Variants in SMAD2 observed in about 807,000 individuals in gnomAD.
SMAD2 encodes MAD homolog 2.
A neutral mutation model predicts 64.4 loss-of-function variants in SMAD2; 8 were observed. The ratio of observed to expected loss-of-function variants is 0.12; its 90% CI spans 0.07 to 0.22. The LOEUF is 0.22. Ranked by LOEUF, SMAD2 falls within the 10% of genes least tolerant of loss-of-function variation. SMAD2 has a pLI of 1.00. For missense variants in SMAD2, 289 were observed against 561.2 expected, an observed-to-expected ratio of 0.51 and a Z score of 4.90; for synonymous variants, 203 against 195.8, an observed-to-expected ratio of 1.04 and a Z score of -0.31.
chr18:47,841,166 A>AAAC lies in SMAD2; in HGVS notation c.*660_*661insGTT, dbSNP rs1319782197. The AAAC allele has an allele frequency of 1.3e-5, 3 of 231,442 alleles. No homozygotes were observed. The highest frequency in any genetic ancestry group is 6.7e-5 in the African/African-American group (3 of 44,920). 14.3% of individuals were successfully genotyped at this position (231,442 alleles called of 1,614,324 possible). On this transcript the variant is annotated 3_prime_UTR_variant, in exon 11 of 11. Transcript: ENST00000262160. The stretch of plus-strand genomic sequence containing the variant: ...CAGTTAAAAAAAAAAACAAAAAAAA[A>AAAC]CAAAAAACCACAAAAAGAATGACTG...
chr18:47,854,239 T>C (rs2030443779), intron 6 of SMAD2, among the ~76,000 whole-genome samples: 2 of 152,198 alleles, frequency 1.3e-5, no homozygotes, highest in African/African-American at 4.8e-5. Flanking sequence ...TAGCAGTGTC[T>C]ACTTACAGCT....
In SMAD2 at chr18:47,826,488, T is replaced by C. The variant is rs551985770; in HGVS notation, c.*15339A>G. On this transcript the variant is annotated 3_prime_UTR_variant, in exon 11 of 11. Coordinates refer to ENST00000262160, the MANE Select transcript of SMAD2 (RefSeq NM_005901.6). ...GGAGTTATGGGATTGGGCTTGGCTG[T>C]TGTTGCCTTCTACAACCTCCACAAA... 6.6e-6 allele frequency: 1 copy of C among 152,242 alleles called. No homozygotes were observed. Among genetic ancestry groups the C allele is most frequent in the Non-Finnish European group, 1.5e-5 (1 of 68,052 alleles). 9.4% of individuals were successfully genotyped at this position (152,242 alleles called of 1,614,324 possible). A position where few individuals can be genotyped will look rare whatever the true frequency, so the allele number is the denominator to read the frequency against.
chr18:47,885,132 TACAC>T (rs57342899), intron 2 of SMAD2, among the ~76,000 whole-genome samples: 15,974 of 141,868 alleles, frequency 0.11, 1,063 homozygotes, highest in African/African-American at 0.12. Context: ...TTTAGTCATA[TACAC>T]ACACACACAC....
rs1051385541 is a variant in SMAD2 at position 47,831,239 on chromosome 18, C to T, written c.*10588G>A. The stretch of plus-strand genomic sequence containing the variant: ...TCTGCTCACCATATAAGCAGTAGCT[C>T]AATAACACCGTCCAGTTTTCATGTA... On this transcript the variant is annotated 3_prime_UTR_variant, in exon 11 of 11. Coordinates refer to ENST00000262160, the MANE Select transcript of SMAD2 (RefSeq NM_005901.6). 6.6e-6 allele frequency: 1 copy of T among 152,218 alleles called. No individual in the cohort carries two copies. Among genetic ancestry groups the T allele is most frequent in the African/African-American group, 2.4e-5 (1 of 41,452 alleles). The allele number at this position is 152,218 out of a possible 1,614,324, so 9.4% of individuals were successfully genotyped here.
intron 1 of SMAD2, among the ~76,000 whole-genome samples, chr18:47,917,156 G>C (rs2034371555): frequency 6.6e-6 from 1 of 152,166 alleles, no homozygotes; most frequent in South Asian, 2.1e-4. Flanking sequence ...TTCTGTAATT[G>C]TTGGGTGCTT....
intron 1 of SMAD2, among the ~76,000 whole-genome samples, chr18:47,911,349 T>C (rs947250386): frequency 7.1e-6 from 1 of 141,118 alleles, no homozygotes; most frequent in African/African-American, 2.7e-5. Context: ...AGACTCCATC[T>C]GGAAAAAAAA....
At position 47,845,494 on chromosome 18, in the gene SMAD2, A is replaced by AAAAAGGT; in HGVS notation, c.1136-17_1136-11dup. The AAAAAGGT allele has an allele frequency of 6.2e-7, 1 of 1,612,252 alleles. No homozygotes were observed. The highest frequency in any genetic ancestry group is 1.3e-5 in the African/African-American group (1 of 75,028). The stretch of plus-strand genomic sequence containing the variant: ...ATCTTCAGATTACAGCCTATGATTA[A>AAAAAGGT]AAAAGGTAAAAGAAATTGTCAAAAG... On this transcript the variant is annotated splice_polypyrimidine_tract_variant and intron_variant, in intron 9 of 10. Transcript: ENST00000262160.
chr18:47,855,011 T>A (rs2030538552), intron 6 of SMAD2, among the ~76,000 whole-genome samples: 2 of 152,216 alleles, frequency 1.3e-5, no homozygotes, highest in African/African-American at 2.4e-5. Flanking sequence ...TAGTCCTCTT[T>A]ACCTCCCACA....
At position 47,833,823 on chromosome 18, in the gene SMAD2, G is replaced by A. The variant is rs76248022; in HGVS notation, c.*8004C>T. 8.7e-6 allele frequency: 2 copies of A among 230,626 alleles called. No individual in the cohort carries two copies. The highest frequency in any genetic ancestry group is 1.7e-5 in the Non-Finnish European group (2 of 116,432). 14.3% of individuals were successfully genotyped at this position (230,626 alleles called of 1,614,324 possible). A position where few individuals can be genotyped will look rare whatever the true frequency, so the allele number is the denominator to read the frequency against. On this transcript the variant is annotated 3_prime_UTR_variant, in exon 11 of 11. Coordinates refer to ENST00000262160, the MANE Select transcript of SMAD2 (RefSeq NM_005901.6). ...TAGACGCCAGAGCATCAAAGGCCAT[G>A]TATTTCCTCACAAGAAAAGAAATCT... is the stretch of plus-strand genomic sequence containing the variant.
Position 47,830,884 on chromosome 18 carries a change from T to G in SMAD2, c.*10943A>C, listed in dbSNP as rs16958473. 7,884 of 155,102 alleles carry G rather than the reference T, an allele frequency of 0.051. 679 individuals carry two copies. Among genetic ancestry groups the G allele is most frequent in the African/African-American group, 0.18 (7,482 of 41,596 alleles). The allele number at this position is 155,102 out of a possible 1,614,324, so 9.6% of individuals were successfully genotyped here. A position where few individuals can be genotyped will look rare whatever the true frequency, so the allele number is the denominator to read the frequency against. On this transcript the variant is annotated 3_prime_UTR_variant, in exon 11 of 11. Transcript: ENST00000262160. ...AAAAATCCACATATATACAAAACTC[T>G]GCTAAAATTCCAATGGCTTCTCTAG...
chr18:47,884,482 C>G (rs1385016091), intron 2 of SMAD2, among the ~76,000 whole-genome samples: 1 of 152,072 alleles, frequency 6.6e-6, no homozygotes, highest in Non-Finnish European at 1.5e-5. Context: ...TAAAAAGAAA[C>G]AAGTAATATA....
intron 1 of SMAD2, among the ~76,000 whole-genome samples, chr18:47,909,904 G>A (rs1406998443): frequency 6.6e-6 from 1 of 151,942 alleles, no homozygotes; most frequent in Non-Finnish European, 1.5e-5. Flanking sequence ...TCTAAATCAG[G>A]GAGTCATAAG....
chr18:47,856,972 C>A (rs2030751459), intron 6 of SMAD2, among the ~76,000 whole-genome samples: 1 of 150,414 alleles, frequency 6.6e-6, no homozygotes, highest in Admixed American at 6.6e-5. Flanking sequence ...ATTCTCCTGC[C>A]TCAGCCTCCC....
intron 3 of SMAD2, 69 bp downstream of exon 3, chr18:47,870,406 T>C: frequency 9.0e-7 from 1 of 1,107,584 alleles, no homozygotes; most frequent in Middle Eastern, 2.0e-4. Context: ...AGCAACCCCA[T>C]ATAGGTCTTT....
At chr18:47,892,118 A>C (rs1222273676) in intron 2 of SMAD2, among the ~76,000 whole-genome samples, 2 of 152,156 alleles carry the variant, frequency 1.3e-5, no homozygotes, top group Non-Finnish European at 2.9e-5. Context: ...GTGCTTCTTA[A>C]ATATGATTAT....
At position 47,868,451 on chromosome 18, in the gene SMAD2, G is replaced by A. The variant is rs1260546123; in HGVS notation, c.527C>T (p.Pro176Leu). The change falls in exon 5 of 11, where the codon CCT becomes CTT. Residue 176 changes from proline to leucine, a missense_variant. Transcript: ENST00000262160. The stretch of plus-strand genomic sequence containing the variant: ...GGTGTGTCGGGGCACTAATACTGGA[G>A]GCAAAACTGAAAAAGTTCAAGAAAT... Reference protein sequence around the residue: ...HYQRVETPVLPPVLVPRHTEI... With the variant: ...HYQRVETPVLLPVLVPRHTEI... 1 of 1,611,590 alleles carries A rather than the reference G, an allele frequency of 6.2e-7. No individual in the cohort carries two copies. The highest frequency in any genetic ancestry group is 1.3e-5 in the African/African-American group (1 of 74,804).
Position 47,881,169 on chromosome 18 carries a change from A to C in SMAD2, c.237-10605T>G, listed in dbSNP as rs889122558. Among the ~76,000 whole-genome samples the C allele has an allele frequency of 2.0e-5, 3 of 152,036 alleles. No individual in the cohort carries two copies. In the East Asian group the frequency reaches 5.8e-4, roughly 29 times the overall value. On this transcript the variant is annotated intron_variant, in intron 2 of 10. Transcript: ENST00000262160. ...ATTTTTGTTTATTCTCCAGTACTTC[A>C]TGTTATTTTTAGAATTTTGTGCAGT...
intron 2 of SMAD2, among the ~76,000 whole-genome samples, chr18:47,892,702 A>C (rs2033254889): frequency 6.6e-6 from 1 of 152,230 alleles, no homozygotes; most frequent in Non-Finnish European, 1.5e-5. Context: ...TCATATTAAA[A>C]ACAATACAGA....
Position 47,840,976 on chromosome 18 carries a change from T to G in SMAD2, c.*851A>C. 4.3e-6 allele frequency: 1 copy of G among 232,634 alleles called. No individual in the cohort carries two copies. 14.4% of individuals were successfully genotyped at this position (232,634 alleles called of 1,614,324 possible). On this transcript the variant is annotated 3_prime_UTR_variant, in exon 11 of 11. Coordinates refer to ENST00000262160, the MANE Select transcript of SMAD2 (RefSeq NM_005901.6). ...ATAAGACAAAGGGACTTTCTCCATA[T>G]GAATTCTTACTGTATCCCAGAATTA...
Sources: gnomAD v4.1 joint callset for allele counts (sites outside exome capture counted in the v4.1 genomes callset) on GRCh38, gnomAD v4.1.1 for gene constraint, MANE v1.5 for transcripts, NCBI Gene and HGNC (gene_info 2026-07-23, HGNC 2026-07-21) for gene names.